Variants in SPOCK3 observed in about 807,000 individuals in gnomAD.
SPOCK3 encodes the protein SPARC (osteonectin), cwcv and kazal like domains proteoglycan 3.
A neutral mutation model predicts 56.6 loss-of-function variants in SPOCK3; 30 were observed. The ratio of observed to expected loss-of-function variants is 0.53; its 90% CI spans 0.40 to 0.72. The LOEUF is 0.72. SPOCK3 is among the 30% of genes least tolerant of loss of function. SPOCK3 has a pLI of 0.00. For synonymous variants in SPOCK3, 196 were observed against 183.3 expected (o/e 1.07, Z -0.56); for missense variants, 527 against 530.0 (o/e 0.99, Z 0.06).
At chr4:167,205,000 G>T (rs1733893822) in intron 2 of SPOCK3, among the ~76,000 whole-genome samples, 1 of 144,950 alleles carries the variant, frequency 6.9e-6, no homozygotes, top group Non-Finnish European at 1.5e-5. Context: ...ACCATCACCA[G>T]CTATTTTTTT....
rs1439346135 is a variant in SPOCK3, at chr4:166,784,048, T to C, written c.709+8122A>G. On this transcript the variant is annotated intron_variant, in intron 7 of 10. Transcript: ENST00000357545. ...GGCTAAAATTGCTTAACACCCTACA[T>C]GGCTTTATTTTGAAATTAAATATTT... Among the ~76,000 whole-genome samples, 24 of 152,252 alleles carry C rather than the reference T, an allele frequency of 1.6e-4. 1 individual carries two copies. The highest frequency in any genetic ancestry group is 2.9e-5 in the Non-Finnish European group (2 of 67,992).
At chr4:166,831,654 C>T (rs1746068506) in intron 6 of SPOCK3, among the ~76,000 whole-genome samples, 1 of 148,944 alleles carries the variant, frequency 6.7e-6, no homozygotes, top group South Asian at 2.1e-4. Context: ...TATGTGTCTT[C>T]TCTTTTATTT....
intron 5 of SPOCK3, among the ~76,000 whole-genome samples, chr4:166,899,242 A>ATCTATC (rs1044294180): frequency 2.6e-5 from 3 of 117,252 alleles, no homozygotes; most frequent in Admixed American, 1.8e-4. Flanking sequence ...AAATCTCCTC[A>ATCTATC]TATCTATCTA....
intron 3 of SPOCK3, among the ~76,000 whole-genome samples, chr4:167,010,006 G>C (rs772768491): frequency 2.6e-5 from 4 of 152,206 alleles, no homozygotes; most frequent in African/African-American, 9.6e-5. Context: ...AGGGAGTTCT[G>C]AGTATAATTA....
At chr4:166,880,364 C>A (rs963509888) in intron 6 of SPOCK3, among the ~76,000 whole-genome samples, 5 of 152,270 alleles carry the variant, frequency 3.3e-5, no homozygotes, top group Non-Finnish European at 5.9e-5. Context: ...TCCACAGATT[C>A]TTCTTCCTTT....
intron 3 of SPOCK3, among the ~76,000 whole-genome samples, chr4:167,006,326 T>C (rs924908843): frequency 1.3e-5 from 2 of 152,176 alleles, no homozygotes; most frequent in African/African-American, 4.8e-5. Flanking sequence ...TCGGTGAGAT[T>C]CAGAGTAGCT....
At chr4:166,763,238 GA>G in intron 7 of SPOCK3, among the ~76,000 whole-genome samples, 1 of 152,092 alleles carries the variant, frequency 6.6e-6, no homozygotes, top group Admixed American at 6.6e-5. Flanking sequence ...CAGAGGCTAT[GA>G]AGCCCAGAAG....
intron 3 of SPOCK3, chr4:167,011,210 G>T (rs931760332): frequency 2.2e-6 from 1 of 445,854 alleles, no homozygotes; most frequent in Non-Finnish European, 4.5e-6. Flanking sequence ...AAAAAATGCG[G>T]GAAAAGCTTA....
At chr4:166,905,710 G>A (rs1328254272) in intron 5 of SPOCK3, among the ~76,000 whole-genome samples, 1 of 151,810 alleles carries the variant, frequency 6.6e-6, no homozygotes, top group Non-Finnish European at 1.5e-5. Flanking sequence ...TCATGGAGAA[G>A]GATATTATAT....
At chr4:166,973,635 T>C (rs1745626215) in intron 4 of SPOCK3, among the ~76,000 whole-genome samples, 1 of 152,082 alleles carries the variant, frequency 6.6e-6, no homozygotes, top group African/African-American at 2.4e-5. Flanking sequence ...ATATAATTAG[T>C]ATGCAATGGA....
intron 4 of SPOCK3, among the ~76,000 whole-genome samples, chr4:166,997,798 CTG>C (rs999532239): frequency 1.3e-4 from 20 of 152,172 alleles, no homozygotes; most frequent in Admixed American, 1.2e-3. Flanking sequence ...GTTTGAAAAA[CTG>C]TATTCCCCTT....
At position 166,737,534 on chromosome 4, in the gene SPOCK3, C is replaced by A; in HGVS notation, c.1065G>T (p.Gln355His). Residue 355 changes from glutamine to histidine, a missense_variant, in exon 10 of 11, where the codon CAG (glutamine) becomes CAT (histidine). Physicochemically the swap from Gln to His is conservative, Grantham distance 24. Coordinates refer to ENST00000357545, the MANE Select transcript of SPOCK3 (RefSeq NM_001040159.2). ...KPTQCHGSVGQCWCVDRYGNE... is the reference protein window; with the variant it reads ...KPTQCHGSVGHCWCVDRYGNE... ...TTCCATATCTGTCAACACACCAGCA[C>A]TGTCCAACACTGCCATGACATTGTG... 1.9e-6 allele frequency: 3 copies of A among 1,613,308 alleles called. No homozygotes were observed. The highest frequency in any genetic ancestry group is 2.5e-6 in the Non-Finnish European group (3 of 1,179,536).
intron 2 of SPOCK3, among the ~76,000 whole-genome samples, chr4:167,225,473 A>G (rs753760621): frequency 2.6e-5 from 4 of 152,070 alleles, no homozygotes; most frequent in Non-Finnish European, 4.4e-5. Flanking sequence ...CTTTATGAAG[A>G]CTTTTTACCT....
chr4:166,985,755 A>C (rs1314236172), intron 4 of SPOCK3, among the ~76,000 whole-genome samples: 2 of 152,156 alleles, frequency 1.3e-5, no homozygotes, highest in East Asian at 3.8e-4. Context: ...CATTTCTTGG[A>C]GTGAGGATTA....
chr4:167,024,435 C>T (rs1476902104), intron 3 of SPOCK3, among the ~76,000 whole-genome samples: 2 of 151,930 alleles, frequency 1.3e-5, no homozygotes, highest in African/African-American at 4.8e-5. Flanking sequence ...TACACGTTAA[C>T]TGGTTTATAA....
At chr4:167,132,885 C>T (rs1762815640) in intron 2 of SPOCK3, among the ~76,000 whole-genome samples, 1 of 152,120 alleles carries the variant, frequency 6.6e-6, no homozygotes, top group Admixed American at 6.6e-5. Flanking sequence ...GGATGGCCTC[C>T]TCTTCTCAAG....
Position 166,824,388 on chromosome 4 carries a change from C to T in SPOCK3, c.590-32099G>A, listed in dbSNP as rs10020736. On this transcript the variant is annotated intron_variant, in intron 6 of 10. Transcript: ENST00000357545. ...TCCCAAAGTTGTTTCCCTTTTATTC[C>T]ACTCTTACAGAGCCTAGATCTTATT... Among the ~76,000 whole-genome samples, 788 of 152,138 alleles carry T rather than the reference C, an allele frequency of 5.2e-3. 11 individuals are homozygous for T. Among genetic ancestry groups the T allele is most frequent in the African/African-American group, 0.018 (758 of 41,528 alleles).
intron 6 of SPOCK3, among the ~76,000 whole-genome samples, chr4:166,814,279 A>G (rs1744162221): frequency 6.6e-6 from 1 of 152,014 alleles, no homozygotes; most frequent in African/African-American, 2.4e-5. Context: ...TCCTTAAAAG[A>G]CACCTGTGAT....
intron 2 of SPOCK3, among the ~76,000 whole-genome samples, chr4:167,230,604 A>C (rs1164473791): frequency 6.6e-6 from 1 of 151,378 alleles, no homozygotes; most frequent in Non-Finnish European, 1.5e-5. Flanking sequence ...TCACATAATT[A>C]TAACCTAAGT....
Sources: gnomAD v4.1 joint callset for allele counts (sites outside exome capture counted in the v4.1 genomes callset) on GRCh38, gnomAD v4.1.1 for gene constraint, MANE v1.5 for transcripts, NCBI Gene and HGNC (gene_info 2026-07-23, HGNC 2026-07-21) for gene names.